Variants in BCL9 observed in about 807,000 individuals in gnomAD.
The protein encoded by BCL9 is B-cell CLL/lymphoma 9 protein.
BCL9 carries 25 observed loss-of-function variants against 88.5 expected under a neutral mutation model. The ratio of observed to expected loss-of-function variants is 0.28; its 90% confidence interval spans 0.21 to 0.39. The LOEUF is 0.39. BCL9 is among the 10% of genes least tolerant of loss of function. The pLI is 1.00. For synonymous variants in BCL9, 711 were observed against 673.3 expected (o/e 1.06, Z -0.87); for missense variants, 1,817 against 1,877.8 (o/e 0.97, Z 0.60).
At chr1:147,618,009 TAATAAAC>T (rs1658376221) in intron 7 of BCL9, among the ~76,000 whole-genome samples, 1 of 152,156 alleles carries the variant, frequency 6.6e-6, no homozygotes, top group East Asian at 1.9e-4. Flanking sequence ...CAGTGGTACT[TAATAAAC>T]AATAATAAGG....
intron 3 of BCL9, among the ~76,000 whole-genome samples, chr1:147,608,332 T>TTTTC (rs1259547771): frequency 7.1e-6 from 1 of 141,350 alleles, no homozygotes; most frequent in African/African-American, 2.6e-5. Context: ...TTGTTTTGCT[T>TTTTC]TTTTTTTTTT....
intron 3 of BCL9, among the ~76,000 whole-genome samples, chr1:147,608,794 A>T (rs1470093722): frequency 6.6e-6 from 1 of 152,206 alleles, no homozygotes; most frequent in Non-Finnish European, 1.5e-5. Flanking sequence ...TGAGCACTTT[A>T]TATGAACTAG....
At chr1:147,582,761 A>G (rs782485504) in intron 1 of BCL9, among the ~76,000 whole-genome samples, 6 of 152,234 alleles carry the variant, frequency 3.9e-5, no homozygotes, top group Non-Finnish European at 7.3e-5. Flanking sequence ...GACTGCTTTC[A>G]CCGTACAATG....
chr1:147,598,099 T>A (rs1442522518), intron 1 of BCL9, among the ~76,000 whole-genome samples: 7 of 152,334 alleles, frequency 4.6e-5, no homozygotes, highest in African/African-American at 1.7e-4. Flanking sequence ...ACATTAGCAA[T>A]CCCAAATGTT....
chr1:147,550,427 T>TA (rs1654838188), intron 1 of BCL9, among the ~76,000 whole-genome samples: 1 of 152,064 alleles, frequency 6.6e-6, no homozygotes, highest in Non-Finnish European at 1.5e-5. Context: ...ATAACTGAGA[T>TA]AAAAAGACCA....
At chr1:147,579,018 A>G (rs1430059188) in intron 1 of BCL9, among the ~76,000 whole-genome samples, 2 of 152,084 alleles carry the variant, frequency 1.3e-5, no homozygotes, top group Non-Finnish European at 2.9e-5. Context: ...GGCGCCTGCC[A>G]CCACACCCAG....
At chr1:147,587,974 T>C (rs1230097668) in intron 1 of BCL9, among the ~76,000 whole-genome samples, 1 of 152,218 alleles carries the variant, frequency 6.6e-6, no homozygotes, top group East Asian at 1.9e-4. Context: ...ATGATCTAAA[T>C]ATTAAAAACG....
chr1:147,556,260 A>G (rs1362799947), intron 1 of BCL9, among the ~76,000 whole-genome samples: 1 of 146,914 alleles, frequency 6.8e-6, no homozygotes, highest in Non-Finnish European at 1.5e-5. Context: ...CTGGGATTAC[A>G]GGAGCCCGCC....
intron 5 of BCL9, 127 bp from the exon 6 acceptor site, chr1:147,614,300 A>T (rs1456035425): frequency 3.5e-5 from 29 of 837,280 alleles, no homozygotes; most frequent in Non-Finnish European, 5.1e-5. Context: ...TAAGTAGAAG[A>T]GGTTTCCTCT....
At chr1:147,592,196 T>G (rs1656874861) in intron 1 of BCL9, among the ~76,000 whole-genome samples, 1 of 152,196 alleles carries the variant, frequency 6.6e-6, no homozygotes, top group Non-Finnish European at 1.5e-5. Context: ...AAAGAGCAGT[T>G]GATACAGAAC....
chr1:147,543,184 G>A (rs782365599), intron 1 of BCL9, among the ~76,000 whole-genome samples: 9 of 152,120 alleles, frequency 5.9e-5, no homozygotes, highest in Admixed American at 1.3e-4. Flanking sequence ...CCTTTCTTCT[G>A]TTCCTACACA....
At chr1:147,562,067 G>C (rs782262502) in intron 1 of BCL9, among the ~76,000 whole-genome samples, 14 of 152,298 alleles carry the variant, frequency 9.2e-5, no homozygotes, top group Admixed American at 4.6e-4. Flanking sequence ...GGTGGCTCAC[G>C]CCTGTAATCC....
At chr1:147,596,213 T>C (rs1657042103) in intron 1 of BCL9, among the ~76,000 whole-genome samples, 1 of 152,094 alleles carries the variant, frequency 6.6e-6, no homozygotes, top group East Asian at 1.9e-4. Flanking sequence ...AAGGAGACAA[T>C]TAGTTTTAAA....
chr1:147,593,669 C>CT (rs1478929476), intron 1 of BCL9, among the ~76,000 whole-genome samples: 2 of 152,066 alleles, frequency 1.3e-5, no homozygotes, highest in South Asian at 2.1e-4. Context: ...TTAGTAAACT[C>CT]TTTTTTTTCT....
chr1:147,599,307 A>AG (rs1657214035), intron 1 of BCL9, among the ~76,000 whole-genome samples: 1 of 152,244 alleles, frequency 6.6e-6, no homozygotes, highest in Non-Finnish European at 1.5e-5. Context: ...GGTGGAGAGA[A>AG]GGGACAGGAA....
At position 147,541,930 on chromosome 1, in the gene BCL9, G is replaced by A. The variant is rs35148808; in HGVS notation, c.-478+256G>A. On this transcript the variant is annotated intron_variant, in intron 1 of 9. Coordinates refer to ENST00000234739, the MANE Select transcript of BCL9 (RefSeq NM_004326.4). ...GGAGAGGGCTGGGAGGAGGGTGTGA[G>A]GGTGGGAGGGAAAAGAGAGAGAGAG... 4.5e-3 allele frequency among the ~76,000 whole-genome samples: 680 copies of A among 152,056 alleles called. 10 individuals are homozygous for A. The highest frequency in any genetic ancestry group is 6.7e-3 in the Non-Finnish European group (453 of 67,950).
intron 1 of BCL9, among the ~76,000 whole-genome samples, chr1:147,546,727 G>T (rs1553194280): frequency 2.0e-5 from 3 of 152,178 alleles, no homozygotes; most frequent in African/African-American, 7.2e-5. Flanking sequence ...TGGATATATA[G>T]GATTCATTCC....
At chr1:147,557,613 G>A (rs12076046) in intron 1 of BCL9, among the ~76,000 whole-genome samples, 1,834 of 152,092 alleles carry the variant, frequency 0.012, 47 homozygotes, top group African/African-American at 0.041. Flanking sequence ...TGAATTTCAC[G>A]TTGAACTAAA....
intron 1 of BCL9, among the ~76,000 whole-genome samples, chr1:147,590,782 T>C (rs2132441): frequency 0.34 from 51,309 of 152,112 alleles, 14,291 homozygotes; most frequent in African/African-American, 0.76. Context: ...GCACAGTGCA[T>C]GGATGTATGA....
Sources: gnomAD v4.1 joint callset for allele counts (sites outside exome capture counted in the v4.1 genomes callset) on GRCh38, gnomAD v4.1.1 for gene constraint, MANE v1.5 for transcripts, NCBI Gene and HGNC (gene_info 2026-07-23, HGNC 2026-07-21) for gene names.